The following PDXDC1 variants were observed in gnomAD, a reference collection of about 807,000 sequenced individuals.
The protein encoded by PDXDC1 is pyridoxal dependent decarboxylase domain containing 1.
In PDXDC1, 42 loss-of-function variants were observed where a neutral mutation model predicts 100.1. The observed-to-expected ratio is 0.42, with a 90% CI of 0.33 to 0.54. PDXDC1 has a LOEUF of 0.54. PDXDC1 is among the 20% of genes least tolerant of loss of function. The probability of loss-of-function intolerance (pLI) is 0.10; values close to 1 mark genes in which losing one functional copy is unlikely to be tolerated. For missense variants in PDXDC1, 636 were observed against 979.2 expected (o/e 0.65, Z 4.68); for synonymous variants, 260 against 371.7 (o/e 0.70, Z 3.46).
At chr16:14,990,539 A>G (rs1394690322) in intron 1 of PDXDC1, among the ~76,000 whole-genome samples, 1 of 152,276 alleles carries the variant, frequency 6.6e-6, no homozygotes, top group Non-Finnish European at 1.5e-5. Flanking sequence ...TAGAGCATTC[A>G]TTGGTTTAGA....
At chr16:15,023,086 T>C (rs1224386002) in intron 13 of PDXDC1, among the ~76,000 whole-genome samples, 3 of 152,294 alleles carry the variant, frequency 2.0e-5, no homozygotes, top group African/African-American at 7.2e-5. Flanking sequence ...GGGCACACTC[T>C]TCTTCCCAAA....
chr16:15,135,585 G>A lies in PDXDC1; in HGVS notation c.1400-3294G>A, dbSNP rs571547608. 175 of 1,308,044 alleles carry A rather than the reference G, an allele frequency of 1.3e-4. 1 individual carries two copies. The Middle Eastern group carries it at 2.7e-3, about 20-fold the overall frequency. 81.0% of individuals were successfully genotyped at this position (1,308,044 alleles called of 1,614,324 possible). On this transcript the variant is annotated intron_variant, in intron 16 of 16. Transcript: ENST00000535621. ...GGCCAGCCCTGGTGGCAAGCTGGGT[G>A]TTCTCTGGGCTCATGGGTGTGGACG...
intron 14 of PDXDC1, among the ~76,000 whole-genome samples, chr16:15,027,814 T>C (rs1365169587): frequency 2.2e-4 from 34 of 152,384 alleles, no homozygotes; most frequent in Non-Finnish European, 3.8e-4. Flanking sequence ...CTCAGGTTTT[T>C]ATAGGCCCAG....
chr16:15,049,696 G>A (rs2044221724), intron 16 of PDXDC1, among the ~76,000 whole-genome samples: 1 of 152,098 alleles, frequency 6.6e-6, no homozygotes. Flanking sequence ...AAGGTGCTGG[G>A]ATTATAGCAT....
intron 16 of PDXDC1, chr16:15,047,077 T>C: frequency 3.7e-6 from 1 of 268,480 alleles, no homozygotes; most frequent in Non-Finnish European, 7.2e-6. Flanking sequence ...AACTACAAGG[T>C]GTAGGTGAGA....
intron 16 of PDXDC1, among the ~76,000 whole-genome samples, chr16:15,070,670 T>C (rs2045185630): frequency 6.6e-6 from 1 of 151,994 alleles, no homozygotes; most frequent in Admixed American, 6.6e-5. Context: ...AATTTTGTGG[T>C]TGGGGAAGGG....
chr16:15,019,876 G>A (rs1182696204), intron 12 of PDXDC1, among the ~76,000 whole-genome samples: 1 of 152,274 alleles, frequency 6.6e-6, no homozygotes, highest in African/African-American at 2.4e-5. Flanking sequence ...ACTTTGGGAG[G>A]CTGAAGCGGG....
intron 16 of PDXDC1, among the ~76,000 whole-genome samples, chr16:15,129,298 T>A (rs1401117234): frequency 1.3e-5 from 2 of 150,674 alleles, no homozygotes; most frequent in Non-Finnish European, 3.0e-5. Flanking sequence ...ATTAACTGGG[T>A]GTGGTGGCGT....
At chr16:15,076,448 T>C (rs931464616) in intron 16 of PDXDC1, 3 of 805,738 alleles carry the variant, frequency 3.7e-6, no homozygotes, top group African/African-American at 3.4e-5. Flanking sequence ...TCAAGTTTGC[T>C]GAACTATTTT....
In PDXDC1 at chr16:15,055,827, C is replaced by T. The variant is rs566737619; in HGVS notation, c.1399+25771C>T. On this transcript the variant is annotated intron_variant, in intron 16 of 16. Transcript: ENST00000535621. ...TCAAGTCTGTGTCGCGTGAGGGGGG[C>T]GCTAGCCCGCCCTGCAGCTTCCCCT... 2.9e-3 allele frequency: 2,600 copies of T among 888,810 alleles called. 10 individuals are homozygous for T. Among genetic ancestry groups the T allele is most frequent in the Non-Finnish European group, 3.5e-3 (2,371 of 674,668 alleles). The allele number at this position is 888,810 out of a possible 1,614,324, so 55.1% of individuals were successfully genotyped here.
chr16:15,102,548 G>GAGGC (rs1015943576), intron 16 of PDXDC1, among the ~76,000 whole-genome samples: 2 of 151,292 alleles, frequency 1.3e-5, no homozygotes, highest in Non-Finnish European at 2.9e-5. Flanking sequence ...CCCAGAGAGG[G>GAGGC]AGGCAGGCAG....
intron 12 of PDXDC1, among the ~76,000 whole-genome samples, chr16:15,021,038 A>C (rs1411923520): frequency 6.6e-6 from 1 of 152,136 alleles, no homozygotes; most frequent in Non-Finnish European, 1.5e-5. Flanking sequence ...GTGCTCTAGC[A>C]GTAGTCCCTT....
At chr16:15,093,263 C>G (rs1344254556) in intron 16 of PDXDC1, among the ~76,000 whole-genome samples, 1 of 152,186 alleles carries the variant, frequency 6.6e-6, no homozygotes, top group East Asian at 1.9e-4. Flanking sequence ...CTCGGCCTCC[C>G]AAAGTGCTGG....
At chr16:15,095,860 AG>A (rs2046337019) in intron 16 of PDXDC1, among the ~76,000 whole-genome samples, 2 of 75,224 alleles carry the variant, frequency 2.7e-5, no homozygotes, top group African/African-American at 3.6e-5. Context: ...AAAAAAAAAA[AG>A]GTGTGTGTGT....
intron 16 of PDXDC1, among the ~76,000 whole-genome samples, chr16:15,075,569 T>C (rs2045419587): frequency 7.2e-6 from 1 of 138,244 alleles, no homozygotes; most frequent in Admixed American, 7.8e-5. Context: ...TGAGACCCTG[T>C]CTCAAATTAA....
chr16:15,063,090 A>G (rs1337748273), intron 16 of PDXDC1: 59 of 858,968 alleles, frequency 6.9e-5, no homozygotes, highest in Admixed American at 1.6e-4. Flanking sequence ...TTGACCCCCT[A>G]AAGTGCGGGG....
downstream of PDXDC1, chr16:15,040,071 G>T (rs747411444): frequency 1.2e-5 from 18 of 1,541,706 alleles, no homozygotes; most frequent in Non-Finnish European, 1.4e-5. Flanking sequence ...TGACAGCTGT[G>T]AGGGACAACA....
chr16:15,091,275 G>A, intron 16 of PDXDC1: 1 of 1,604,382 alleles, frequency 6.2e-7, no homozygotes, highest in Non-Finnish European at 8.5e-7. Context: ...TGTATACAGT[G>A]GCAATAATTT....
chr16:15,026,351 A>G (rs1384657063), intron 13 of PDXDC1: 1 of 473,000 alleles, frequency 2.1e-6, no homozygotes, highest in African/African-American at 2.0e-5. Flanking sequence ...TTAATCTTTA[A>G]TGTTAGACCT....
Sources: gnomAD v4.1 joint callset for allele counts (sites outside exome capture counted in the v4.1 genomes callset) on GRCh38, gnomAD v4.1.1 for gene constraint, MANE v1.5 for transcripts, NCBI Gene and HGNC (gene_info 2026-07-23, HGNC 2026-07-21) for gene names.